GRAMD2A: variants seen among roughly 807,000 people sequenced by gnomAD.
The protein encoded by GRAMD2A is GRAM domain-containing protein 2A.
In GRAMD2A, 37 loss-of-function variants were observed where a neutral mutation model predicts 51.1. The observed-to-expected ratio is 0.72, with a 90% CI of 0.56 to 0.95. The LOEUF is 0.95. Among genes scored for constraint, GRAMD2A ranks in the 40% least tolerant of loss-of-function variants. GRAMD2A has a pLI of 0.00. For synonymous variants in GRAMD2A, 136 were observed against 157.1 expected (o/e 0.87, Z 1.01); for missense variants, 414 against 426.9 (o/e 0.97, Z 0.27).
rs1037936356 is a variant in GRAMD2A at position 72,160,407 on chromosome 15, A to C, written c.*1602T>G. The C allele has an allele frequency of 6.6e-6, 1 of 151,774 alleles. No individual in the cohort carries two copies. Among genetic ancestry groups the C allele is most frequent in the African/African-American group, 2.4e-5 (1 of 41,300 alleles). The allele number at this position is 151,774 out of a possible 1,614,324, so 9.4% of individuals were successfully genotyped here. The stretch of plus-strand genomic sequence containing the variant: ...ACCTGAGACATACAGATTTGGTGCA[A>C]GCAACACAAAAGGCCAGGCTCTAAA... On this transcript the variant is annotated 3_prime_UTR_variant, in exon 12 of 12. Transcript: ENST00000309731.
At chr15:72,181,403 G>A (rs943872791) in intron 1 of GRAMD2A, among the ~76,000 whole-genome samples, 3 of 152,186 alleles carry the variant, frequency 2.0e-5, no homozygotes, top group South Asian at 2.1e-4. Flanking sequence ...GGAATGACTC[G>A]TGTTGTTGGT....
chr15:72,165,803 G>T (rs1331856990), intron 7 of GRAMD2A, among the ~76,000 whole-genome samples: 1 of 150,950 alleles, frequency 6.6e-6, no homozygotes, highest in Non-Finnish European at 1.5e-5. Context: ...AAAGTGATAG[G>T]CTTCCTGTAG....
Position 72,166,760 on chromosome 15 carries a change from C to T in GRAMD2A, c.472-57G>A. 6.9e-7 allele frequency: 1 copy of T among 1,446,458 alleles called. No individual in the cohort carries two copies. The highest frequency in any genetic ancestry group is 9.7e-7 in the Non-Finnish European group (1 of 1,033,186). 89.6% of individuals were successfully genotyped at this position (1,446,458 alleles called of 1,614,324 possible). A position where few individuals can be genotyped will look rare whatever the true frequency, so the allele number is the denominator to read the frequency against. The stretch of plus-strand genomic sequence containing the variant: ...GGGTGAGATGAGACTCCTTGCTGTG[C>T]CAGCCAGCCCCCTTGTGGATTGGGC... On this transcript the variant is annotated intron_variant, in intron 6 of 11. Coordinates refer to ENST00000309731, the MANE Select transcript of GRAMD2A (RefSeq NM_001012642.3). This position sits in a 1 kb window ranked among gnomAD's most constrained non-coding sequence, Gnocchi z 4.1.
chr15:72,193,816 G>A (rs2081786439), intron 1 of GRAMD2A, among the ~76,000 whole-genome samples: 1 of 152,222 alleles, frequency 6.6e-6, no homozygotes, highest in Non-Finnish European at 1.5e-5. Flanking sequence ...GTGAGCCAAC[G>A]CGCCAGGCCG....
At chr15:72,162,660 A>C (rs1596673391) in intron 10 of GRAMD2A, 1 of 309,406 alleles carries the variant, frequency 3.2e-6, no homozygotes. Context: ...CAGTCATCCT[A>C]CCCTCTCTCT....
chr15:72,172,502 C>T (rs1472337655), intron 1 of GRAMD2A, among the ~76,000 whole-genome samples: 3 of 149,452 alleles, frequency 2.0e-5, no homozygotes, highest in Non-Finnish European at 3.0e-5. Flanking sequence ...CTGCAACCTC[C>T]GCCTCCCAGG....
intron 2 of GRAMD2A, 23 bp downstream of exon 2, chr15:72,169,824 A>C (rs11072348): frequency 0.99 from 1,568,275 of 1,582,540 alleles, 778,029 homozygotes; most frequent in East Asian, 1. Flanking sequence ...GTGTGTATCT[A>C]TGACTGGGAA....
At chr15:72,195,691 G>A (rs1007475075) in intron 1 of GRAMD2A, among the ~76,000 whole-genome samples, 38 of 152,178 alleles carry the variant, frequency 2.5e-4, no homozygotes, top group African/African-American at 8.9e-4. Context: ...AGGCTGAGGT[G>A]AGCAGCTCAC....
rs376897242 is a variant in GRAMD2A, at chr15:72,161,940, C to A, written c.*69G>T. 110 of 1,544,046 alleles carry A rather than the reference C, an allele frequency of 7.1e-5. No individual in the cohort carries two copies. Among genetic ancestry groups the A allele is most frequent in the South Asian group, 6.9e-4 (62 of 89,622 alleles). ...CAGCAGCAGCATAAACCACAGGGAT[C>A]ATTGGTGGAGACTTAGCACCCAGAA... On this transcript the variant is annotated 3_prime_UTR_variant, in exon 12 of 12. Transcript: ENST00000309731.
At chr15:72,192,688 T>C (rs1054599266) in intron 1 of GRAMD2A, among the ~76,000 whole-genome samples, 9 of 152,226 alleles carry the variant, frequency 5.9e-5, no homozygotes, top group African/African-American at 2.2e-4. Flanking sequence ...GGAAAAGCAA[T>C]TCATGTTTGA....
At chr15:72,174,138 AT>A (rs2081634722) in intron 1 of GRAMD2A, among the ~76,000 whole-genome samples, 1 of 152,100 alleles carries the variant, frequency 6.6e-6, no homozygotes, top group African/African-American at 2.4e-5. Context: ...TTTCCACTCA[AT>A]AGTGGTGTCT....
chr15:72,193,741 T>C (rs1452426315), intron 1 of GRAMD2A, among the ~76,000 whole-genome samples: 4 of 149,932 alleles, frequency 2.7e-5, no homozygotes, highest in Non-Finnish European at 4.4e-5. Flanking sequence ...TTAGCCAGGA[T>C]GGTCTCGATC....
intron 1 of GRAMD2A, among the ~76,000 whole-genome samples, chr15:72,174,898 G>A (rs978677530): frequency 6.6e-6 from 1 of 151,992 alleles, no homozygotes; most frequent in Non-Finnish European, 1.5e-5. Context: ...CCTGACACAG[G>A]CATTCTGCTC....
chr15:72,187,509 G>T (rs1249974466), intron 1 of GRAMD2A, among the ~76,000 whole-genome samples: 1 of 151,416 alleles, frequency 6.6e-6, no homozygotes, highest in African/African-American at 2.4e-5. Context: ...GTAAATTAAA[G>T]ATATAAGTTA....
chr15:72,178,930 A>G (rs2081676800), intron 1 of GRAMD2A, among the ~76,000 whole-genome samples: 1 of 152,096 alleles, frequency 6.6e-6, no homozygotes, highest in Non-Finnish European at 1.5e-5. Flanking sequence ...ATGACATTCC[A>G]TATCTAGGAC....
At chr15:72,187,627 C>T (rs1190357508) in intron 1 of GRAMD2A, among the ~76,000 whole-genome samples, 8 of 152,104 alleles carry the variant, frequency 5.3e-5, no homozygotes, top group Non-Finnish European at 1.0e-4. Context: ...AATTCTCCCA[C>T]TCAGCCTCCA....
intron 1 of GRAMD2A, among the ~76,000 whole-genome samples, chr15:72,183,186 T>C (rs983819723): frequency 2.0e-5 from 3 of 151,702 alleles, no homozygotes; most frequent in African/African-American, 7.3e-5. Flanking sequence ...AGGGTTTTGT[T>C]GTTTTTTTTT....
chr15:72,174,843 G>A (rs1421800606), intron 1 of GRAMD2A, among the ~76,000 whole-genome samples: 1 of 152,114 alleles, frequency 6.6e-6, no homozygotes, highest in Non-Finnish European at 1.5e-5. Context: ...AGGGGGCAAT[G>A]AGTGGGAGCC....
chr15:72,162,140 C>T, intron 11 of GRAMD2A, 128 bp from the exon 12 acceptor site: 1 of 1,362,606 alleles, frequency 7.3e-7, no homozygotes, highest in South Asian at 1.2e-5. Flanking sequence ...ACCCTGCACG[C>T]TGCCCAACCT....
Sources: gnomAD v4.1 joint callset for allele counts (sites outside exome capture counted in the v4.1 genomes callset) on GRCh38, gnomAD v4.1.1 for gene constraint, Gnocchi (gnomAD v3.1) non-coding constraint, MANE v1.5 for transcripts, NCBI Gene and HGNC (gene_info 2026-07-23, HGNC 2026-07-21) for gene names.